C12orf42: variants seen among roughly 807,000 people sequenced by gnomAD.
The protein encoded by C12orf42 is chromosome 12 open reading frame 42.
C12orf42 carries 25 observed loss-of-function variants against 21.6 expected under a neutral mutation model. The observed-to-expected ratio is 1.16, with a 90% CI of 0.84 to 1.62. The LOEUF (loss-of-function observed/expected upper bound fraction) is 1.62, where lower values mean the gene tolerates loss of function less well. Among genes scored for constraint, C12orf42 ranks in the 40% most tolerant of loss-of-function variants. The pLI is 0.00. For synonymous variants in C12orf42, 174 were observed against 175.0 expected (o/e 0.99, Z 0.05); for missense variants, 483 against 459.3 (o/e 1.05, Z -0.47).
chr12:103,500,586 C>G (rs1353725625), upstream of C12orf42, among the ~76,000 whole-genome samples: 2 of 152,182 alleles, frequency 1.3e-5, no homozygotes, highest in African/African-American at 4.8e-5. Flanking sequence ...ATGAAGATAC[C>G]TGGCATTTAG....
the C12orf42 span, among the ~76,000 whole-genome samples, chr12:103,072,233 T>C: frequency 6.6e-6 from 1 of 152,178 alleles, no homozygotes; most frequent in Admixed American, 6.6e-5. Flanking sequence ...CATTCATTCT[T>C]AACTATTTTT....
the C12orf42 span, among the ~76,000 whole-genome samples, chr12:103,048,688 C>A: frequency 6.6e-6 from 1 of 152,166 alleles, no homozygotes; most frequent in Non-Finnish European, 1.5e-5. Context: ...AGAGCTTAGC[C>A]TTGACCTTTA....
chr12:103,369,042 A>G (rs369276792), intron 3 of C12orf42, 44 bp from the exon 4 acceptor site: 8 of 1,036,828 alleles, frequency 7.7e-6, no homozygotes, highest in East Asian at 7.7e-5. Context: ...AATTAGGTCA[A>G]TGGCTCCAGA....
chr12:103,391,068 G>T (rs756676105), intron 3 of C12orf42, among the ~76,000 whole-genome samples: 1 of 152,048 alleles, frequency 6.6e-6, no homozygotes, highest in Non-Finnish European at 1.5e-5. Flanking sequence ...TTGCTCTTTC[G>T]TGTCTGGTTT....
At chr12:103,205,184 A>C in the C12orf42 span, among the ~76,000 whole-genome samples, 1 of 152,224 alleles carries the variant, frequency 6.6e-6, no homozygotes, top group African/African-American at 2.4e-5. Flanking sequence ...TCGTTGGAAA[A>C]TAAGCTGTTC....
intron 2 of C12orf42, among the ~76,000 whole-genome samples, chr12:103,465,294 C>A (rs114971576): frequency 0.1 from 15,874 of 152,188 alleles, 884 homozygotes; most frequent in African/African-American, 0.14. Context: ...GTTTGTACTT[C>A]TCTTTGAAGA....
intron 2 of C12orf42, among the ~76,000 whole-genome samples, chr12:103,438,469 C>T (rs1444751047): frequency 1.3e-5 from 2 of 151,940 alleles, no homozygotes; most frequent in African/African-American, 4.8e-5. Context: ...GTCAAATTGT[C>T]CCTGTTTGCA....
the C12orf42 span, among the ~76,000 whole-genome samples, chr12:103,112,504 C>CA: frequency 2.0e-5 from 3 of 151,752 alleles, no homozygotes; most frequent in Non-Finnish European, 2.9e-5. Context: ...TACTAAAATA[C>CA]AAAAAAATTA....
chr12:103,373,678 GC>G (rs1310938624), intron 3 of C12orf42, among the ~76,000 whole-genome samples: 8 of 152,178 alleles, frequency 5.3e-5, no homozygotes, highest in African/African-American at 1.4e-4. Flanking sequence ...TACCACCACT[GC>G]AGACCAAAAC....
the C12orf42 span, among the ~76,000 whole-genome samples, chr12:103,527,577 T>G: frequency 6.6e-6 from 1 of 152,222 alleles, no homozygotes; most frequent in Non-Finnish European, 1.5e-5. Context: ...GGTTTTTCTC[T>G]TCCTTTCTGG....
At chr12:103,243,187 C>G (rs1263281800) in intron 10 of C12orf42, among the ~76,000 whole-genome samples, 1 of 151,950 alleles carries the variant, frequency 6.6e-6, no homozygotes, top group African/African-American at 2.4e-5. Context: ...CCATGCCCAG[C>G]TATTTGGTTT....
intron 4 of C12orf42, among the ~76,000 whole-genome samples, chr12:103,310,367 G>A (rs2038854226): frequency 6.6e-6 from 1 of 152,112 alleles, no homozygotes; most frequent in Admixed American, 6.5e-5. Flanking sequence ...CTTTGTAAAT[G>A]ACCCAGTCTC....
At chr12:103,155,889 A>C in the C12orf42 span, among the ~76,000 whole-genome samples, 1 of 151,200 alleles carries the variant, frequency 6.6e-6, no homozygotes, top group African/African-American at 2.4e-5. Flanking sequence ...ATATGTGTGT[A>C]TATATGCCTC....
chr12:103,407,630 A>C (rs1451727779), intron 2 of C12orf42, among the ~76,000 whole-genome samples: 1 of 152,336 alleles, frequency 6.6e-6, no homozygotes, highest in South Asian at 2.1e-4. Context: ...TGTTATTGGT[A>C]AGGCTGCCTG....
chr12:103,542,298 C>T, the C12orf42 span, among the ~76,000 whole-genome samples: 9 of 152,276 alleles, frequency 5.9e-5, 1 homozygote, highest in Admixed American at 2.6e-4. Flanking sequence ...TCTGTGAGTG[C>T]TGATGTGAAG....
the C12orf42 span, among the ~76,000 whole-genome samples, chr12:103,129,908 T>A: frequency 6.6e-6 from 1 of 152,194 alleles, no homozygotes; most frequent in Non-Finnish European, 1.5e-5. Context: ...CTTCCATATG[T>A]GTGTAGACCT....
chr12:103,171,823 G>A, the C12orf42 span, among the ~76,000 whole-genome samples: 2 of 152,088 alleles, frequency 1.3e-5, no homozygotes, highest in Non-Finnish European at 2.9e-5. Flanking sequence ...TTATAGGACT[G>A]AAGAAATGTA....
At chr12:103,561,552 C>T in the C12orf42 span, among the ~76,000 whole-genome samples, 30 of 152,264 alleles carry the variant, frequency 2.0e-4, no homozygotes, top group African/African-American at 6.7e-4. Context: ...GGACTTCGCC[C>T]TCATGACCTA....
rs71438496 is a variant in C12orf42 at position 103,418,832 on chromosome 12, A to ATTTT, written c.79-17161_79-17158dup. On this transcript the variant is annotated intron_variant, in intron 2 of 5. Transcript: ENST00000548883. The stretch of plus-strand genomic sequence containing the variant: ...TTTTCTGTATGTAACATTCCGTTAA[A>ATTTT]TTTTTTTTTTTTTTTGGTAGCCATA... Among the ~76,000 whole-genome samples, 183 of 143,792 alleles carry ATTTT rather than the reference A, an allele frequency of 1.3e-3. 2 individuals are homozygous for ATTTT. Among genetic ancestry groups the ATTTT allele is most frequent in the Middle Eastern group, 7.0e-3 (2 of 284 alleles). 94.3% of individuals were successfully genotyped at this position (143,792 alleles called of 152,430 possible).
Sources: gnomAD v4.1 joint callset for allele counts (sites outside exome capture counted in the v4.1 genomes callset) on GRCh38, gnomAD v4.1.1 for gene constraint, MANE v1.5 for transcripts, NCBI Gene and HGNC (gene_info 2026-07-23, HGNC 2026-07-21) for gene names.